EXD3: variants seen among roughly 807,000 people sequenced by gnomAD.
EXD3 encodes exonuclease 3'-5' domain containing 3.
A neutral mutation model predicts 98.0 loss-of-function variants in EXD3; 92 were observed. The ratio of observed to expected loss-of-function variants is 0.94; its 90% confidence interval spans 0.79 to 1.12. The LOEUF is 1.12. EXD3 is among the 50% of genes most tolerant of loss of function. The pLI is 0.00. For missense variants in EXD3, 1,222 were observed against 1,191.6 expected (o/e 1.03, Z -0.38); for synonymous variants, 569 against 526.0 (o/e 1.08, Z -1.12).
At chr9:137,354,212 G>A (rs1018138073) in intron 10 of EXD3, 127 bp downstream of exon 10, 18 of 1,488,496 alleles carry the variant, frequency 1.2e-5, no homozygotes, top group Non-Finnish European at 1.4e-5. Context: ...CCAACATGGG[G>A]TCTGGGCTCA....
intron 8 of EXD3, among the ~76,000 whole-genome samples, chr9:137,355,626 G>GAAGGAGGA (rs1564508910): frequency 2.8e-4 from 4 of 14,046 alleles, no homozygotes; most frequent in African/African-American, 6.6e-4. Flanking sequence ...AGGAAGGGAG[G>GAAGGAGGA]ATGGAGGAAG....
In EXD3 at chr9:137,395,988, G is replaced by T. The variant is rs1837202260; in HGVS notation, c.-47-584C>A. Among the ~76,000 whole-genome samples the T allele has an allele frequency of 7.1e-6, 1 of 141,416 alleles. No individual in the cohort carries two copies. 92.8% of individuals were successfully genotyped at this position (141,416 alleles called of 152,430 possible). ...TTTCTTTCTTTTTTTTTTTTTTGGA[G>T]ACAGAGTCTCTCTGCAATGCCCAGG... is the stretch of plus-strand genomic sequence containing the variant. On this transcript the variant is annotated intron_variant, in intron 1 of 21. Transcript: ENST00000340951. The surrounding 1 kb of genome is among the most constrained non-coding windows in gnomAD (Gnocchi z 6.5).
chr9:137,351,059 G>A lies in EXD3; in HGVS notation c.1473C>T (p.Asp491=), dbSNP rs760747582. ...HVEKQILGGM[D]LLLVHRQMRV... is the part of the protein sequence containing the mutation. ...CCACCTGTCTGTGCACCAGCAGCAG[G>A]TCCATGCCGCCCAGAATCTGCTTCT... Residue 491 remains aspartate, a synonymous_variant, in exon 14 of 22, where the codon GAC becomes GAT. Coordinates refer to ENST00000340951, the MANE Select transcript of EXD3 (RefSeq NM_017820.5). 12 of 1,568,940 alleles carry A rather than the reference G, an allele frequency of 7.6e-6. No individual in the cohort carries two copies. The highest frequency in any genetic ancestry group is 6.8e-5 in the African/African-American group (5 of 73,730).
intron 10 of EXD3, 120 bp from the exon 11 acceptor site, chr9:137,352,906 G>A (rs1834384226): frequency 6.9e-7 from 1 of 1,444,766 alleles, no homozygotes; most frequent in South Asian, 1.4e-5. Context: ...CGGGGAGGAG[G>A]GGCAGCCGTC....
intron 1 of EXD3, among the ~76,000 whole-genome samples, chr9:137,416,931 GC>G (rs748353753): frequency 6.6e-6 from 1 of 152,224 alleles, no homozygotes; most frequent in Non-Finnish European, 1.5e-5. Flanking sequence ...AGGCCAGGAA[GC>G]CCCGACACCT....
At chr9:137,348,006 G>C (rs1834022530) in intron 17 of EXD3, 65 bp downstream of exon 17, 1 of 1,511,108 alleles carries the variant, frequency 6.6e-7, no homozygotes, top group Non-Finnish European at 8.9e-7. Flanking sequence ...TGCTAGGGGT[G>C]GGCACACCTG....
Position 137,373,485 on chromosome 9 carries a change from A to T in EXD3, c.235T>A (p.Trp79Arg). 1 of 1,608,716 alleles carries T rather than the reference A, an allele frequency of 6.2e-7. No homozygotes were observed. The highest frequency in any genetic ancestry group is 1.7e-5 in the Admixed American group (1 of 59,492). ...QRGEGPSLAA[W>R]ISHQLQCWLQ... ...CAGCACTGCAGCTGGTGGGAGATCC[A>T]GGCCGCCAGGGAGGGGCCCTCTCCC... is the stretch of plus-strand genomic sequence containing the variant. The change falls in exon 4 of 22, where the codon TGG becomes AGG. Residue 79 changes from tryptophan (W) to arginine (R), a missense_variant. Physicochemically the swap from Trp to Arg is moderately radical, Grantham distance 101. Transcript: ENST00000340951.
chr9:137,321,888 G>T (rs1408286440), intron 19 of EXD3, among the ~76,000 whole-genome samples: 1 of 152,166 alleles, frequency 6.6e-6, no homozygotes, highest in Non-Finnish European at 1.5e-5. Flanking sequence ...TTGAGTGGAG[G>T]CGCAAAAGGC....
intron 5 of EXD3, among the ~76,000 whole-genome samples, chr9:137,369,670 C>G (rs1434210052): frequency 6.6e-6 from 1 of 152,220 alleles, no homozygotes; most frequent in African/African-American, 2.4e-5. Flanking sequence ...CCCACCCAAC[C>G]AGGAACCCCT....
intron 17 of EXD3, among the ~76,000 whole-genome samples, chr9:137,338,302 G>A (rs1833467598): frequency 6.6e-6 from 1 of 152,132 alleles, no homozygotes; most frequent in African/African-American, 2.4e-5. Context: ...AGTCAAATAA[G>A]CAATCATAAT....
chr9:137,394,530 A>C, intron 2 of EXD3, among the ~76,000 whole-genome samples: 3 of 141,926 alleles, frequency 2.1e-5, no homozygotes, highest in African/African-American at 5.4e-5. Flanking sequence ...CCGCTTCCCT[A>C]ACCCCGGCCT....
chr9:137,418,507 T>A (rs886655663), intron 1 of EXD3, among the ~76,000 whole-genome samples: 2 of 152,166 alleles, frequency 1.3e-5, no homozygotes, highest in African/African-American at 4.8e-5. Context: ...AACAAAAAAA[T>A]TTAGGAGATG....
chr9:137,373,049 C>T lies in EXD3; in HGVS notation c.318G>A (p.Leu106=). The T allele has an allele frequency of 6.3e-7, 1 of 1,590,634 alleles. No homozygotes were observed. The highest frequency in any genetic ancestry group is 1.1e-5 in the South Asian group (1 of 88,506). The change falls in exon 5 of 22, where the codon CTG becomes CTA. Residue 106 remains leucine, a synonymous_variant. Coordinates refer to ENST00000340951, the MANE Select transcript of EXD3 (RefSeq NM_017820.5). Reference sequence around the variant, plus strand: ...TGAGGACTTTGACCGCTCGGGCCTGCAGCTGCTTCAGCCTCAGGCTGTGCT... The same window carrying T: ...TGAGGACTTTGACCGCTCGGGCCTGTAGCTGCTTCAGCCTCAGGCTGTGCT... The part of the protein sequence containing the change: ...LAQHSLRLKQ[L]QARAVKVLTE...
intron 1 of EXD3, among the ~76,000 whole-genome samples, chr9:137,417,617 G>T (rs1179825620): frequency 1.3e-5 from 2 of 152,188 alleles, no homozygotes; most frequent in African/African-American, 4.8e-5. Context: ...CGCTGCGCGT[G>T]GCGGCCGCAG....
chr9:137,348,735 G>A (rs1286058395), intron 16 of EXD3, among the ~76,000 whole-genome samples: 3 of 104,018 alleles, frequency 2.9e-5, no homozygotes, highest in East Asian at 3.9e-4. Flanking sequence ...GATAGAGAGG[G>A]GTGGGGATCA....
chr9:137,374,831 A>T, intron 3 of EXD3: 1 of 985,522 alleles, frequency 1.0e-6, no homozygotes, highest in Non-Finnish European at 1.2e-6. Context: ...ACTTGAAGCA[A>T]CTTGAAGGAG....
chr9:137,412,434 T>C (rs1052165781), intron 1 of EXD3, among the ~76,000 whole-genome samples: 1 of 152,242 alleles, frequency 6.6e-6, no homozygotes, highest in South Asian at 2.1e-4. Context: ...AGTTTTTAAA[T>C]GTGTCTACAA....
At chr9:137,320,796 C>T (rs1412727241) in intron 19 of EXD3, among the ~76,000 whole-genome samples, 1 of 152,204 alleles carries the variant, frequency 6.6e-6, no homozygotes, top group African/African-American at 2.4e-5. Context: ...GGGTTTCCTC[C>T]CAGCTACCCA....
chr9:137,328,992 G>A (rs376444985), intron 17 of EXD3, among the ~76,000 whole-genome samples: 755 of 2,032 alleles, frequency 0.37, 84 homozygotes, highest in East Asian at 0.5. Flanking sequence ...ACTACACGGG[G>A]CTACACGGGG....
Sources: allele counts gnomAD v4.1 joint callset (sites outside exome capture counted in the v4.1 genomes callset), GRCh38; gene constraint gnomAD v4.1.1; non-coding constraint Gnocchi (gnomAD v3.1); transcripts MANE v1.5; gene names NCBI Gene and HGNC (gene_info 2026-07-23, HGNC 2026-07-21).